Variants in DGKB observed in about 807,000 individuals in gnomAD.
The protein encoded by DGKB is diacylglycerol kinase beta.
DGKB carries 67 observed loss-of-function variants against 114.3 expected under a neutral mutation model. The ratio of observed to expected loss-of-function variants is 0.59; its 90% confidence interval spans 0.48 to 0.72. The LOEUF (loss-of-function observed/expected upper bound fraction) is 0.72. Among genes scored for constraint, DGKB ranks in the 30% least tolerant of loss-of-function variants. DGKB has a pLI of 0.00. For missense variants in DGKB, 907 were observed against 975.2 expected, an observed-to-expected ratio of 0.93 and a Z score of 0.93; for synonymous variants, 398 against 323.1, an observed-to-expected ratio of 1.23 and a Z score of -2.49.
chr7:14,307,287 AT>A (rs1315880174), intron 23 of DGKB, among the ~76,000 whole-genome samples: 1 of 152,180 alleles, frequency 6.6e-6, no homozygotes, highest in Non-Finnish European at 1.5e-5. Context: ...TTTTAATAGT[AT>A]AGAAAATGCT....
chr7:14,693,998 C>A, intron 9 of DGKB, 77 bp downstream of exon 9: 1 of 1,495,634 alleles, frequency 6.7e-7, no homozygotes, highest in Non-Finnish European at 9.0e-7. Flanking sequence ...ATGGTCACAT[C>A]AATCTGTAAT....
rs1781492941 is a variant in DGKB at position 14,146,514 on chromosome 7, T to A, written c.*2617A>T. 1 of 152,190 alleles carries A rather than the reference T, an allele frequency of 6.6e-6. No homozygotes were observed. Among genetic ancestry groups the A allele is most frequent in the Non-Finnish European group, 1.5e-5 (1 of 68,018 alleles). The allele number at this position is 152,190 out of a possible 1,614,324, so 9.4% of individuals were successfully genotyped here. The stretch of plus-strand genomic sequence containing the variant: ...TTCCATCTTGTAAAGCTAACAACAT[T>A]CATCATTCAATATTTTAATATACTA... On this transcript the variant is annotated 3_prime_UTR_variant, in exon 26 of 26. Transcript: ENST00000402815.
intron 5 of DGKB, among the ~76,000 whole-genome samples, chr7:14,734,037 G>A (rs1406138149): frequency 6.6e-6 from 1 of 151,796 alleles, no homozygotes; most frequent in Non-Finnish European, 1.5e-5. Flanking sequence ...GTGTGTGTGT[G>A]TGTGTGTGTG....
At chr7:14,702,748 T>G (rs1345072519) in intron 6 of DGKB, among the ~76,000 whole-genome samples, 1 of 152,200 alleles carries the variant, frequency 6.6e-6, no homozygotes, top group Non-Finnish European at 1.5e-5. Context: ...GCAGCATAAT[T>G]ATATAATGAC....
chr7:14,959,238 ATTT>A (rs1786697762), intron 1 of DGKB, among the ~76,000 whole-genome samples: 2 of 152,150 alleles, frequency 1.3e-5, no homozygotes, highest in Admixed American at 1.3e-4. Context: ...TGATAAGTTT[ATTT>A]CTAGGTACTT....
At chr7:14,961,874 C>T (rs952664645) in intron 1 of DGKB, among the ~76,000 whole-genome samples, 3 of 152,060 alleles carry the variant, frequency 2.0e-5, no homozygotes, top group Non-Finnish European at 4.4e-5. Context: ...CAGTCTCAGC[C>T]TCTGCTGCTC....
intron 21 of DGKB, among the ~76,000 whole-genome samples, chr7:14,393,279 G>A (rs1405419660): frequency 1.3e-5 from 2 of 151,876 alleles, no homozygotes; most frequent in East Asian, 1.9e-4. Flanking sequence ...GTGAGCCACC[G>A]CGCCCGGTCA....
At chr7:14,616,148 A>G (rs938012357) in intron 15 of DGKB, among the ~76,000 whole-genome samples, 2 of 149,634 alleles carry the variant, frequency 1.3e-5, no homozygotes, top group Non-Finnish European at 3.0e-5. Flanking sequence ...TACCACTCCC[A>G]TTTACATTAG....
At chr7:14,257,601 T>A (rs36095426) in intron 23 of DGKB, among the ~76,000 whole-genome samples, 2 of 151,978 alleles carry the variant, frequency 1.3e-5, no homozygotes, top group African/African-American at 2.4e-5. Flanking sequence ...GGCTTCATAC[T>A]GGGCTTTTTC....
At chr7:14,415,297 T>G (rs1392655264) in intron 21 of DGKB, among the ~76,000 whole-genome samples, 1 of 152,128 alleles carries the variant, frequency 6.6e-6, no homozygotes, top group Non-Finnish European at 1.5e-5. Flanking sequence ...CTTTAAAAGC[T>G]TTAGTGTACA....
At chr7:14,692,523 T>G (rs567425322) in intron 9 of DGKB, among the ~76,000 whole-genome samples, 213 of 152,098 alleles carry the variant, frequency 1.4e-3, no homozygotes, top group African/African-American at 4.8e-3. Flanking sequence ...ACATAATGGT[T>G]TTTGTCATAA....
intron 13 of DGKB, among the ~76,000 whole-genome samples, chr7:14,667,106 G>A (rs1403967066): frequency 6.6e-6 from 1 of 152,012 alleles, no homozygotes; most frequent in Non-Finnish European, 1.5e-5. Flanking sequence ...TCAGTGCAGA[G>A]GAGATGCTTA....
intron 23 of DGKB, among the ~76,000 whole-genome samples, chr7:14,285,982 T>C (rs964771190): frequency 1.3e-5 from 2 of 152,160 alleles, no homozygotes. Context: ...TAGATCAGTA[T>C]AGGTTTTTGT....
At chr7:14,655,028 A>G (rs1563809294) in intron 13 of DGKB, among the ~76,000 whole-genome samples, 1 of 151,932 alleles carries the variant, frequency 6.6e-6, no homozygotes, top group South Asian at 2.1e-4. Context: ...AAATGGACAA[A>G]CAAGACTATA....
rs761304991 is a variant in DGKB at position 14,843,315 on chromosome 7, C to CTTTT, written c.-187-1869_-187-1866dup. 1.2e-4 allele frequency among the ~76,000 whole-genome samples: 9 copies of CTTTT among 77,228 alleles called. 1 individual carries two copies. Among genetic ancestry groups the CTTTT allele is most frequent in the Non-Finnish European group, 1.4e-4 (6 of 44,330 alleles). The allele number at this position is 77,228 out of a possible 152,430, so 50.7% of individuals were successfully genotyped here. ...TTATTTGTTAATTAAATTTTAATAA[C>CTTTT]TTTTTTTTTTTTTTTTTTTTTTTTT... is the stretch of plus-strand genomic sequence containing the variant. On this transcript the variant is annotated intron_variant, in intron 1 of 25. Coordinates refer to ENST00000402815, the MANE Select transcript of DGKB (RefSeq NM_001350709.2).
At chr7:14,217,750 C>T (rs1789239123) in intron 23 of DGKB, among the ~76,000 whole-genome samples, 2 of 152,072 alleles carry the variant, frequency 1.3e-5, no homozygotes, top group South Asian at 4.1e-4. Context: ...GTCCCTTACG[C>T]TTTCCCTGTG....
At chr7:14,270,833 G>C (rs1176707893) in intron 23 of DGKB, among the ~76,000 whole-genome samples, 1 of 152,166 alleles carries the variant, frequency 6.6e-6, no homozygotes, top group Non-Finnish European at 1.5e-5. Context: ...GCTTTCTGTA[G>C]GGGGGTGGGG....
intron 1 of DGKB, among the ~76,000 whole-genome samples, chr7:14,963,318 AT>A (rs1786967987): frequency 6.6e-6 from 1 of 152,130 alleles, no homozygotes; most frequent in South Asian, 2.1e-4. Flanking sequence ...TGTACTTTTC[AT>A]TGTCTAACAA....
chr7:14,945,849 TATG>T (rs1785843333), intron 1 of DGKB, among the ~76,000 whole-genome samples: 2 of 151,822 alleles, frequency 1.3e-5, no homozygotes, highest in South Asian at 4.2e-4. Context: ...ATCAACATCA[TATG>T]ATTAGGTAAA....
Sources: gnomAD v4.1 joint callset for allele counts (sites outside exome capture counted in the v4.1 genomes callset) on GRCh38, gnomAD v4.1.1 for gene constraint, MANE v1.5 for transcripts, NCBI Gene and HGNC (gene_info 2026-07-23, HGNC 2026-07-21) for gene names.